Variants in THSD4 observed in about 807,000 individuals in gnomAD.
THSD4 encodes the protein thrombospondin type 1 domain containing 4.
A neutral mutation model predicts 119.0 loss-of-function variants in THSD4; 69 were observed. The ratio of observed to expected loss-of-function variants is 0.58; its 90% CI spans 0.48 to 0.71. THSD4 has a LOEUF of 0.71. Ranked by LOEUF, THSD4 falls within the 30% of genes least tolerant of loss-of-function variation. The pLI, the probability that THSD4 is intolerant of heterozygous loss-of-function variation, is 0.00. For synonymous variants in THSD4, 524 were observed against 540.4 expected (o/e 0.97, Z 0.42); for missense variants, 1,393 against 1,391.1 (o/e 1.00, Z -0.02).
At chr15:71,391,622 C>T (rs549746861) in intron 6 of THSD4, among the ~76,000 whole-genome samples, 2 of 152,266 alleles carry the variant, frequency 1.3e-5, no homozygotes, top group African/African-American at 2.4e-5. Context: ...GAAGGGCGGG[C>T]GACCAGGGTT....
At chr15:71,519,885 G>C in intron 7 of THSD4, among the ~76,000 whole-genome samples, 1 of 152,102 alleles carries the variant, frequency 6.6e-6, no homozygotes, top group Non-Finnish European at 1.5e-5. Flanking sequence ...GATCCTCAGG[G>C]GCCAGCCAGG....
chr15:71,667,235 A>G (rs145697308), intron 8 of THSD4, among the ~76,000 whole-genome samples: 3 of 152,370 alleles, frequency 2.0e-5, no homozygotes, highest in Non-Finnish European at 4.4e-5. Context: ...TATGTGAATT[A>G]TTCTGAACTC....
chr15:71,625,169 G>A (rs765204062), intron 7 of THSD4, among the ~76,000 whole-genome samples: 1 of 152,000 alleles, frequency 6.6e-6, no homozygotes, highest in Non-Finnish European at 1.5e-5. Context: ...ACCACCCCCC[G>A]GCTAATTTTT....
At chr15:71,374,936 C>G (rs2046111267) in intron 6 of THSD4, among the ~76,000 whole-genome samples, 1 of 152,094 alleles carries the variant, frequency 6.6e-6, no homozygotes, top group Non-Finnish European at 1.5e-5. Flanking sequence ...AAAGGGTGTA[C>G]TGTAGGGGCT....
chr15:71,265,434 CT>C (rs2140298255), intron 6 of THSD4, among the ~76,000 whole-genome samples: 1 of 152,280 alleles, frequency 6.6e-6, no homozygotes, highest in African/African-American at 2.4e-5. Context: ...AGATACTACG[CT>C]TTTGCCGTGG....
intron 14 of THSD4, among the ~76,000 whole-genome samples, chr15:71,750,925 G>A (rs2053436600): frequency 1.3e-5 from 2 of 152,226 alleles, no homozygotes; most frequent in African/African-American, 4.8e-5. Context: ...TTGCCAGCAT[G>A]AGGAATCCTC....
In THSD4 at chr15:71,755,875, G is replaced by A. The variant is rs553930039; in HGVS notation, c.2416-2027G>A. ...ACAGAGGAGAAGGTATTTGAGGTGA[G>A]CCTTAAAGGCTTCTGATCTGTCCAG... On this transcript the variant is annotated intron_variant, in intron 14 of 17. Transcript: ENST00000261862. Among the ~76,000 whole-genome samples the A allele has an allele frequency of 3.9e-5, 6 of 152,288 alleles. No individual in the cohort carries two copies. In the East Asian group the frequency reaches 9.6e-4, roughly 24 times the overall value.
chr15:71,372,913 G>A (rs1452884363), intron 6 of THSD4, among the ~76,000 whole-genome samples: 4 of 152,240 alleles, frequency 2.6e-5, no homozygotes, highest in Admixed American at 6.5e-5. Context: ...CTTGAGCTGC[G>A]GTGGGCTCCA....
chr15:71,491,907 T>G (rs1470893690), intron 7 of THSD4, among the ~76,000 whole-genome samples: 1 of 152,152 alleles, frequency 6.6e-6, no homozygotes, highest in East Asian at 1.9e-4. Flanking sequence ...TTTATTTTAT[T>G]TATAAACTAC....
intron 7 of THSD4, among the ~76,000 whole-genome samples, chr15:71,546,337 C>T (rs2048837119): frequency 6.6e-6 from 1 of 152,082 alleles, no homozygotes; most frequent in South Asian, 2.1e-4. Flanking sequence ...GAATACAGTA[C>T]TTGATGGGTT....
intron 8 of THSD4, among the ~76,000 whole-genome samples, chr15:71,726,084 C>T (rs28736814): frequency 0.35 from 53,444 of 152,104 alleles, 10,112 homozygotes; most frequent in African/African-American, 0.49. Flanking sequence ...CCAGCCGCAC[C>T]ACTTTTGAAG....
intron 5 of THSD4, among the ~76,000 whole-genome samples, chr15:71,253,010 G>T (rs1009165108): frequency 6.6e-6 from 1 of 152,140 alleles, no homozygotes; most frequent in African/African-American, 2.4e-5. Context: ...TGCCCTCCAG[G>T]CTTGCAGTTT....
intron 3 of THSD4, chr15:71,172,261 G>A (rs914514063): frequency 1.3e-5 from 2 of 152,034 alleles, no homozygotes; most frequent in African/African-American, 4.8e-5. Context: ...GGAGGCAGAG[G>A]TTGCAGTGAG....
At chr15:71,175,029 G>A (rs1171377178) in intron 3 of THSD4, among the ~76,000 whole-genome samples, 2 of 143,086 alleles carry the variant, frequency 1.4e-5, no homozygotes, top group Non-Finnish European at 3.1e-5. Flanking sequence ...AAACCACAAA[G>A]ATGGGGAAAA....
At chr15:71,770,986 T>A in intron 16 of THSD4, 78 bp from the exon 17 acceptor site, 1 of 1,546,726 alleles carries the variant, frequency 6.5e-7, no homozygotes, top group Non-Finnish European at 8.7e-7. Flanking sequence ...TTTGAGATTT[T>A]CCAGTGTCTT....
At chr15:71,498,462 C>A (rs1480020573) in intron 7 of THSD4, among the ~76,000 whole-genome samples, 1 of 152,126 alleles carries the variant, frequency 6.6e-6, no homozygotes. Context: ...GCTTTATTGT[C>A]TTTCTGTTTT....
intron 7 of THSD4, among the ~76,000 whole-genome samples, chr15:71,597,946 T>C (rs1256607766): frequency 1.3e-5 from 2 of 152,144 alleles, no homozygotes; most frequent in Admixed American, 6.6e-5. Context: ...GCCAGACATT[T>C]AGTGGGCTCT....
rs4776575 is a variant in THSD4 at position 71,781,232 on chromosome 15, G to A, written c.*3858G>A. On this transcript the variant is annotated 3_prime_UTR_variant, in exon 18 of 18. Transcript: ENST00000261862. ...CACGTGCTGGATCCAAAAAGATCAGGGAGACTAGAATAAAACTTGGATGTT... is the reference window on the plus strand; with the variant it reads ...CACGTGCTGGATCCAAAAAGATCAGAGAGACTAGAATAAAACTTGGATGTT... The A allele has an allele frequency of 0.47, 74,847 of 158,092 alleles. 21,062 individuals carry two copies. The highest frequency in any genetic ancestry group is 0.62 in the Non-Finnish European group (44,499 of 71,342). The allele number at this position is 158,092 out of a possible 1,614,324, so 9.8% of individuals were successfully genotyped here. A position where few individuals can be genotyped will look rare whatever the true frequency, so the allele number is the denominator to read the frequency against.
At chr15:71,311,701 T>A (rs1004236659) in intron 6 of THSD4, among the ~76,000 whole-genome samples, 1 of 152,236 alleles carries the variant, frequency 6.6e-6, no homozygotes, top group African/African-American at 2.4e-5. Context: ...TAATAAAATC[T>A]GTTTTCACCT....
Sources: allele counts gnomAD v4.1 joint callset (sites outside exome capture counted in the v4.1 genomes callset), GRCh38; gene constraint gnomAD v4.1.1; transcripts MANE v1.5; gene names NCBI Gene and HGNC (gene_info 2026-07-23, HGNC 2026-07-21).